Variants in ZNF442 observed in about 807,000 individuals in gnomAD.
ZNF442 encodes zinc finger protein 442.
ZNF442 carries 45 observed loss-of-function variants against 57.0 expected under a neutral mutation model. The ratio of observed to expected loss-of-function variants is 0.79; its 90% confidence interval spans 0.62 to 1.01. The LOEUF is 1.01. Among genes scored for constraint, ZNF442 ranks in the 50% least tolerant of loss-of-function variants. The pLI is 0.00. For missense variants in ZNF442, 690 were observed against 756.5 expected, an observed-to-expected ratio of 0.91 and a Z score of 1.03; for synonymous variants, 213 against 241.8, an observed-to-expected ratio of 0.88 and a Z score of 1.10.
chr19:12,348,898 A>C lies in ZNF442; in HGVS notation c.*803T>G, dbSNP rs985028874. 2 of 151,908 alleles carry C rather than the reference A, an allele frequency of 1.3e-5. No individual in the cohort carries two copies. Among genetic ancestry groups the C allele is most frequent in the Admixed American group, 6.6e-5 (1 of 15,238 alleles). The allele number at this position is 151,908 out of a possible 1,614,324, so 9.4% of individuals were successfully genotyped here. A position where few individuals can be genotyped will look rare whatever the true frequency, so the allele number is the denominator to read the frequency against. On this transcript the variant is annotated 3_prime_UTR_variant, in exon 6 of 6. Coordinates refer to ENST00000242804, the MANE Select transcript of ZNF442 (RefSeq NM_030824.3). ...AATCTATGATTGTTGAAAAAAAAGA[A>C]ACTGTAGATTACAGGCTCATGCCTG...
intron 4 of ZNF442, among the ~76,000 whole-genome samples, 178 bp downstream of exon 4, chr19:12,352,810 T>C (rs1431989420): frequency 6.6e-6 from 1 of 152,188 alleles, no homozygotes; most frequent in African/African-American, 2.4e-5. Flanking sequence ...GGTTAAGTTG[T>C]AGTGAACAAA....
intron 3 of ZNF442, among the ~76,000 whole-genome samples, chr19:12,356,556 G>A (rs909012180): frequency 2.0e-5 from 3 of 151,832 alleles, no homozygotes; most frequent in Admixed American, 6.6e-5. Flanking sequence ...GAACCCAGGA[G>A]GCAGAGGTTG....
At position 12,350,109 on chromosome 19, in the gene ZNF442, T is replaced by C; in HGVS notation, c.1476A>G (p.Glu492=). ...HTGEKPYECK[E]CGKAFSCFTY... is the part of the protein sequence containing the mutation. ...TGAAACAACTGAATGCTTTCCCACA[T>C]TCCTTACACTCATATGGCTTCTCTC... is the stretch of plus-strand genomic sequence containing the variant. Residue 492 remains glutamate, a synonymous_variant, in exon 6 of 6, where the codon GAA becomes GAG. Coordinates refer to ENST00000242804, the MANE Select transcript of ZNF442 (RefSeq NM_030824.3). 1.2e-6 allele frequency: 2 copies of C among 1,614,014 alleles called. No homozygotes were observed. Among genetic ancestry groups the C allele is most frequent in the Non-Finnish European group, 1.7e-6 (2 of 1,179,944 alleles).
At chr19:12,363,949 C>T (rs1256882820) in intron 2 of ZNF442, among the ~76,000 whole-genome samples, 1 of 152,194 alleles carries the variant, frequency 6.6e-6, no homozygotes, top group Non-Finnish European at 1.5e-5. Flanking sequence ...CACATCACCC[C>T]ATAAAGTTTC....
rs1305169138 is a variant in ZNF442 at position 12,363,539 on chromosome 19, T to A, written c.78+15A>T. The A allele has an allele frequency of 6.2e-7, 1 of 1,612,376 alleles. No homozygotes were observed. The highest frequency in any genetic ancestry group is 2.2e-5 in the East Asian group (1 of 44,876). On this transcript the variant is annotated intron_variant, in intron 3 of 5. Transcript: ENST00000242804. ...TTCTTGCACAACTGGAATGAGTGGG[T>A]TCTCCAGTGCTTACATATTGTTTTC...
chr19:12,354,693 C>T (rs1969296946), intron 3 of ZNF442, among the ~76,000 whole-genome samples: 1 of 152,092 alleles, frequency 6.6e-6, no homozygotes, highest in Non-Finnish European at 1.5e-5. Context: ...GCCTCAGCCT[C>T]CTGAGTAGCT....
At position 12,350,492 on chromosome 19, in the gene ZNF442, G is replaced by T. The variant is rs1327896017; in HGVS notation, c.1093C>A (p.Gln365Lys). 4.3e-6 allele frequency: 7 copies of T among 1,613,918 alleles called. No individual in the cohort carries two copies. The highest frequency in any genetic ancestry group is 3.3e-5 in the Admixed American group (2 of 59,986). The change falls in exon 6 of 6, where the codon CAA becomes AAA. Residue 365 changes from glutamine (Q) to lysine (K), a missense_variant. Gln to Lys is a moderately conservative substitution (Grantham distance 53, BLOSUM62 1). Transcript: ENST00000242804. ...GKGFDCPSSL[Q>K]SHERTHTGEK... Reference sequence around the variant, plus strand: ...CCAGTGTGAGTTCTTTCATGACTTTGCAGTGAACTAGGACAATCAAAGCCT... The same window carrying T: ...CCAGTGTGAGTTCTTTCATGACTTTTCAGTGAACTAGGACAATCAAAGCCT...
At chr19:12,351,654 C>A (rs1368542776) in intron 5 of ZNF442, 1 of 310,698 alleles carries the variant, frequency 3.2e-6, no homozygotes, top group Non-Finnish European at 6.0e-6. Flanking sequence ...TACACACATG[C>A]GCCACCACGC....
Position 12,349,026 on chromosome 19 carries a change from C to CAAAAAAAAAAAAA in ZNF442, c.*662_*674dup, listed in dbSNP as rs146226078. ...TGAAACCCCGTCTCTACTAAAAATA[C>CAAAAAAAAAAAAA]AAAAAAAAAAAAAAAAAAAAAAAAA... On this transcript the variant is annotated 3_prime_UTR_variant, in exon 6 of 6. Transcript: ENST00000242804. The CAAAAAAAAAAAAA allele has an allele frequency of 6.8e-5, 4 of 58,944 alleles. No homozygotes were observed. Among genetic ancestry groups the CAAAAAAAAAAAAA allele is most frequent in the Admixed American group, 2.2e-4 (1 of 4,646 alleles). 3.7% of individuals were successfully genotyped at this position (58,944 alleles called of 1,614,324 possible).
In ZNF442 at chr19:12,349,323, T is replaced by TA. The variant is rs889719364; in HGVS notation, c.*377dup. On this transcript the variant is annotated 3_prime_UTR_variant, in exon 6 of 6. Coordinates refer to ENST00000242804, the MANE Select transcript of ZNF442 (RefSeq NM_030824.3). Reference sequence around the variant, plus strand: ...GGATTATTTTCATATCACGATTCTCTAAAAAAAATACAATAAAATGACTGT... The same window carrying TA: ...GGATTATTTTCATATCACGATTCTCTAAAAAAAAATACAATAAAATGACTGT... The TA allele has an allele frequency of 6.5e-5, 11 of 169,588 alleles. No homozygotes were observed. The highest frequency in any genetic ancestry group is 1.7e-4 in the East Asian group (1 of 5,932). 10.5% of individuals were successfully genotyped at this position (169,588 alleles called of 1,614,324 possible).
upstream of ZNF442, among the ~76,000 whole-genome samples, chr19:12,366,881 G>C (rs12972308): frequency 0.31 from 47,588 of 152,032 alleles, 8,289 homozygotes; most frequent in African/African-American, 0.48. Context: ...GCAATCCGCC[G>C]GCCTCGGCCT....
upstream of ZNF442, chr19:12,365,720 C>G (rs1322526487): frequency 5.0e-6 from 1 of 199,462 alleles, no homozygotes; most frequent in African/African-American, 2.4e-5. Context: ...TGGCAGTTCC[C>G]AAGAACTCGC....
chr19:12,363,351 C>T (rs958761738), intron 3 of ZNF442, among the ~76,000 whole-genome samples: 8 of 151,978 alleles, frequency 5.3e-5, no homozygotes, highest in Non-Finnish European at 7.4e-5. Flanking sequence ...AGCACTGACT[C>T]GAACACAAAC....
At chr19:12,352,933 G>T in intron 4 of ZNF442, 55 bp downstream of exon 4, 2 of 1,577,488 alleles carry the variant, frequency 1.3e-6, no homozygotes, top group South Asian at 2.4e-5. Flanking sequence ...CAGCATTGAT[G>T]ACCAAGAAAA....
At chr19:12,357,993 C>T (rs1441642707) in intron 3 of ZNF442, among the ~76,000 whole-genome samples, 9 of 137,822 alleles carry the variant, frequency 6.5e-5, no homozygotes, top group East Asian at 2.1e-4. Flanking sequence ...GATGGAGTTT[C>T]GCTCTGTCGC....
upstream of ZNF442, among the ~76,000 whole-genome samples, chr19:12,369,554 G>A (rs898451807): frequency 2.0e-5 from 3 of 151,672 alleles, no homozygotes; most frequent in African/African-American, 7.3e-5. Context: ...GGAGGCAGGG[G>A]TTGCAGTGAG....
At chr19:12,373,105 A>G in the ZNF442 span, among the ~76,000 whole-genome samples, 1 of 152,186 alleles carries the variant, frequency 6.6e-6, no homozygotes, top group East Asian at 1.9e-4. Context: ...TTTATAGCAT[A>G]TCTAGCCAGT....
At chr19:12,356,848 C>T (rs1459881836) in intron 3 of ZNF442, among the ~76,000 whole-genome samples, 1 of 152,202 alleles carries the variant, frequency 6.6e-6, no homozygotes, top group Admixed American at 6.5e-5. Context: ...TGATCTACAC[C>T]TGCTATTAGG....
intron 3 of ZNF442, among the ~76,000 whole-genome samples, chr19:12,362,874 T>C (rs1456198887): frequency 6.7e-6 from 1 of 150,236 alleles, no homozygotes; most frequent in Non-Finnish European, 1.5e-5. Context: ...AGAAAAATTC[T>C]TCTGCCTTGG....
Sources: allele counts gnomAD v4.1 joint callset (sites outside exome capture counted in the v4.1 genomes callset), GRCh38; gene constraint gnomAD v4.1.1; transcripts MANE v1.5; gene names NCBI Gene and HGNC (gene_info 2026-07-23, HGNC 2026-07-21).